Variants in AFF2 observed in about 807,000 individuals in gnomAD.
AFF2 encodes the protein AF4/FMR2 family member 2.
Under a neutral mutation model 76.9 loss-of-function variants are expected in AFF2, and 14 were observed. That is an observed-to-expected ratio of 0.18 (90% CI 0.12 to 0.28). AFF2 has a LOEUF of 0.28. Among genes scored for constraint, AFF2 ranks in the 10% least tolerant of loss-of-function variants. The probability of loss-of-function intolerance (pLI) is 1.00; values close to 1 mark genes in which losing one functional copy is unlikely to be tolerated. For synonymous variants in AFF2, 398 were observed against 366.7 expected (o/e 1.09, Z -0.98); for missense variants, 868 against 1,001.1 (o/e 0.87, Z 1.79).
intron 1 of AFF2, among the ~76,000 whole-genome samples, chrX:148,567,505 A>G (rs1471523274): frequency 8.9e-6 from 1 of 111,770 alleles, no homozygotes; most frequent in Non-Finnish European, 1.9e-5. Context: ...CACTGATGAG[A>G]CACTTCATTT....
chrX:148,572,153 A>G (rs2053236912), intron 1 of AFF2, among the ~76,000 whole-genome samples: 1 of 111,822 alleles, frequency 8.9e-6, no homozygotes, highest in African/African-American at 3.2e-5. Context: ...ACATGAAAAG[A>G]CACTGAATAT....
rs1557293167 is a variant in AFF2, at chrX:148,996,479, G to A, written c.*5147G>A. On this transcript the variant is annotated 3_prime_UTR_variant, in exon 21 of 21. Transcript: ENST00000370460. Reference sequence around the variant, plus strand: ...ACGCAGTTGGCTCTTGCAAGCCTGGGCAAAAATGCTTCAACACGCCACTGG... The same window carrying A: ...ACGCAGTTGGCTCTTGCAAGCCTGGACAAAAATGCTTCAACACGCCACTGG... 1 of 112,774 alleles carries A rather than the reference G, an allele frequency of 8.9e-6. No individual in the cohort carries two copies. Among genetic ancestry groups the A allele is most frequent in the African/African-American group, 3.2e-5 (1 of 31,049 alleles). The allele number at this position is 112,774 out of a possible 1,213,427, so 9.3% of individuals were successfully genotyped here.
intron 7 of AFF2, among the ~76,000 whole-genome samples, chrX:148,849,073 G>A (rs1557275042): frequency 9.0e-6 from 1 of 111,465 alleles, no homozygotes; most frequent in Non-Finnish European, 1.9e-5. Flanking sequence ...ATTGGCTAAT[G>A]TGACAACAAG....
chrX:148,610,109 A>G (rs1385572979), intron 1 of AFF2, among the ~76,000 whole-genome samples: 1 of 111,793 alleles, frequency 8.9e-6, no homozygotes, highest in Admixed American at 9.5e-5. Context: ...AGAATTAGGA[A>G]TTGCCCATGT....
intron 1 of AFF2, among the ~76,000 whole-genome samples, chrX:148,618,229 T>A (rs1557250763): frequency 9.0e-6 from 1 of 111,577 alleles, no homozygotes; most frequent in Non-Finnish European, 1.9e-5. Flanking sequence ...TGTGTTAGTC[T>A]GTTATCATGT....
chrX:148,581,288 G>A (rs1603249095), intron 1 of AFF2, among the ~76,000 whole-genome samples: 3 of 81,115 alleles, frequency 3.7e-5, no homozygotes, highest in African/African-American at 1.6e-4. Context: ...ACGTATATAC[G>A]TATACGTGTA....
Position 148,785,198 on chromosome X carries a change from T to C in AFF2, c.1042-24678T>C, listed in dbSNP as rs140547776. On this transcript the variant is annotated intron_variant, in intron 3 of 20. Coordinates refer to ENST00000370460, the MANE Select transcript of AFF2 (RefSeq NM_002025.4). ...CTCGCTCTACTCATCTTTTTGCTGATAGTTCCCTTGCCTGATGAGATTAGC... is the reference window on the plus strand; with the variant it reads ...CTCGCTCTACTCATCTTTTTGCTGACAGTTCCCTTGCCTGATGAGATTAGC... 8.2e-4 allele frequency among the ~76,000 whole-genome samples: 92 copies of C among 112,165 alleles called. 1 individual carries two copies. Among genetic ancestry groups the C allele is most frequent in the Non-Finnish European group, 1.6e-3 (83 of 53,216 alleles).
At chrX:148,745,844 G>A (rs1051214129) in intron 3 of AFF2, among the ~76,000 whole-genome samples, 1 of 110,957 alleles carries the variant, frequency 9.0e-6, no homozygotes, top group African/African-American at 3.3e-5. Context: ...CTGCGTTCAA[G>A]CAATTCTCCC....
At chrX:148,739,780 G>A (rs2055328317) in intron 3 of AFF2, among the ~76,000 whole-genome samples, 1 of 111,644 alleles carries the variant, frequency 9.0e-6, no homozygotes. Context: ...CTGTTTTGAT[G>A]TGTTTCCAGA....
chrX:148,807,032 A>G (rs1181466133), intron 3 of AFF2, among the ~76,000 whole-genome samples: 4 of 112,099 alleles, frequency 3.6e-5, no homozygotes, highest in African/African-American at 1.3e-4. Flanking sequence ...AAAGAAAAAT[A>G]TCTAATCACT....
chrX:148,695,261 A>C (rs782497260), intron 3 of AFF2, among the ~76,000 whole-genome samples: 7 of 112,044 alleles, frequency 6.2e-5, no homozygotes, highest in Non-Finnish European at 1.1e-4. Flanking sequence ...GTCAGGCCCC[A>C]TCTGGTGACA....
chrX:148,695,312 A>T lies in AFF2; in HGVS notation c.1041+32544A>T, dbSNP rs993570651. On this transcript the variant is annotated intron_variant, in intron 3 of 20. Coordinates refer to ENST00000370460, the MANE Select transcript of AFF2 (RefSeq NM_002025.4). ...TGGATGTTGCTGACACCTGGTCATG[A>T]TGGAATCTGTGCCATTGGAAACAGA... is the stretch of plus-strand genomic sequence containing the variant. 7.1e-5 allele frequency among the ~76,000 whole-genome samples: 8 copies of T among 112,213 alleles called. No individual in the cohort carries two copies. In the Admixed American group the frequency reaches 7.6e-4, roughly 11 times the overall value.
chrX:148,890,991 G>A (rs1275472925), intron 8 of AFF2, among the ~76,000 whole-genome samples: 4 of 112,314 alleles, frequency 3.6e-5, no homozygotes, highest in Non-Finnish European at 7.5e-5. Context: ...CAATGGCATG[G>A]TTGAGATTTG....
intron 3 of AFF2, among the ~76,000 whole-genome samples, chrX:148,680,654 A>G (rs60966550): frequency 0.062 from 6,971 of 111,728 alleles, 532 homozygotes; most frequent in African/African-American, 0.21. Flanking sequence ...CCTTCAAGAA[A>G]CTTACATCTA....
Position 148,679,166 on chromosome X carries a change from T to C in AFF2, c.1041+16398T>C, listed in dbSNP as rs782502507. 2.8e-5 allele frequency among the ~76,000 whole-genome samples: 3 copies of C among 106,224 alleles called. No individual in the cohort carries two copies. The East Asian group carries it at 8.7e-4, about 31-fold the overall frequency. 92.2% of individuals were successfully genotyped at this position (106,224 alleles called of 115,157 possible). On this transcript the variant is annotated intron_variant, in intron 3 of 20. Transcript: ENST00000370460. ...ATAGGTAGACATAAGTACATTTCTTTCCAAACTATATAGCAATATACGTAT... is the reference window on the plus strand; with the variant it reads ...ATAGGTAGACATAAGTACATTTCTTCCCAAACTATATAGCAATATACGTAT...
At chrX:148,987,813 A>G (rs1384128507) in intron 20 of AFF2, among the ~76,000 whole-genome samples, 1 of 111,975 alleles carries the variant, frequency 8.9e-6, no homozygotes, top group Non-Finnish European at 1.9e-5. Context: ...AATTTCACTC[A>G]CTGACAAAGA....
At chrX:148,936,851 C>T (rs1557285075) in intron 9 of AFF2, among the ~76,000 whole-genome samples, 1 of 112,347 alleles carries the variant, frequency 8.9e-6, no homozygotes, top group East Asian at 2.8e-4. Context: ...GTGATCTTTT[C>T]AGTACGTAAG....
chrX:148,847,753 T>C (rs942507384), intron 7 of AFF2, among the ~76,000 whole-genome samples: 4 of 111,716 alleles, frequency 3.6e-5, no homozygotes, highest in Non-Finnish European at 7.5e-5. Context: ...ATCACAGGAA[T>C]GACAGACACA....
intron 5 of AFF2, among the ~76,000 whole-genome samples, chrX:148,840,353 C>A (rs2070583792): frequency 8.9e-6 from 1 of 112,112 alleles, no homozygotes; most frequent in African/African-American, 3.2e-5. Flanking sequence ...GGAACCCAGT[C>A]ACACCCACTT....
Sources: gnomAD v4.1 joint callset for allele counts (sites outside exome capture counted in the v4.1 genomes callset) on GRCh38, gnomAD v4.1.1 for gene constraint, MANE v1.5 for transcripts, NCBI Gene and HGNC (gene_info 2026-07-23, HGNC 2026-07-21) for gene names.